COL14A1: variants seen among roughly 807,000 people sequenced by gnomAD.
COL14A1 encodes the protein collagen type XIV alpha 1 chain, also known as collagen alpha-1(XIV) chain.
In COL14A1, 136 loss-of-function variants were observed where a neutral mutation model predicts 230.3. The ratio of observed to expected loss-of-function variants is 0.59; its 90% confidence interval spans 0.51 to 0.68. The LOEUF (loss-of-function observed/expected upper bound fraction) is 0.68. COL14A1 is among the 30% of genes least tolerant of loss of function. The pLI is 0.00. For synonymous variants in COL14A1, 792 were observed against 784.1 expected (o/e 1.01, Z -0.17); for missense variants, 1,976 against 2,215.8 (o/e 0.89, Z 2.17).
chr8:120,306,388 A>C (rs1820859428), intron 36 of COL14A1, among the ~76,000 whole-genome samples: 1 of 152,204 alleles, frequency 6.6e-6, no homozygotes, highest in African/African-American at 2.4e-5. Context: ...AATGAGAAAA[A>C]AGCAATTGAA....
At chr8:120,331,067 T>C (rs1013062173) in intron 40 of COL14A1, among the ~76,000 whole-genome samples, 9 of 142,692 alleles carry the variant, frequency 6.3e-5, no homozygotes, top group Admixed American at 4.4e-4. Context: ...ATCGTGCCAT[T>C]GCACTCCAGC....
intron 34 of COL14A1, among the ~76,000 whole-genome samples, chr8:120,294,633 G>T (rs1215537711): frequency 6.6e-6 from 1 of 151,246 alleles, no homozygotes; most frequent in East Asian, 1.9e-4. Context: ...TGTATAATTT[G>T]CACAAATATG....
rs538743953 is a variant in COL14A1, at chr8:120,318,932, C to T, written c.4659+2935C>T. ...CACTCTGAGCACTGAAGTCACTTAA[C>T]GTTACTGTGCCTTTATTTCCCCTGT... On this transcript the variant is annotated intron_variant, in intron 40 of 47. Transcript: ENST00000297848. Among the ~76,000 whole-genome samples the T allele has an allele frequency of 5.3e-5, 8 of 152,248 alleles. No homozygotes were observed. In the South Asian group the frequency reaches 8.3e-4, roughly 16 times the overall value.
chr8:120,174,647 G>C (rs758529512), intron 5 of COL14A1, among the ~76,000 whole-genome samples: 1 of 152,082 alleles, frequency 6.6e-6, no homozygotes, highest in Non-Finnish European at 1.5e-5. Flanking sequence ...TATCTCAAAG[G>C]GTTTATTGTA....
chr8:120,341,353 G>A lies in COL14A1; in HGVS notation c.4814G>A (p.Gly1605Glu). The A allele has an allele frequency of 6.2e-7, 1 of 1,614,176 alleles. No homozygotes were observed. Among genetic ancestry groups the A allele is most frequent in the Non-Finnish European group, 8.5e-7 (1 of 1,180,012 alleles). The change falls in exon 43 of 48, where the codon GGA becomes GAA. Residue 1605 changes from glycine (G) to glutamate (E), a missense_variant. Gly to Glu is a moderately conservative substitution (Grantham distance 98, BLOSUM62 -2). Around this residue, in one of 3 missense-constraint regions of COL14A1, gnomAD observed 1,791 missense variants for 2,019.5 expected, o/e 0.89. Coordinates refer to ENST00000297848, the MANE Select transcript of COL14A1 (RefSeq NM_021110.4). Reference protein sequence around the residue: ...PGVPGAKGERGERGDLQSQAM... With the variant: ...PGVPGAKGEREERGDLQSQAM... Reference sequence around the variant, plus strand: ...GTCCCTGGAGCAAAGGGGGAACGAGGAGAGCGGGTAAGTATCCTGTGGCTC... The same window carrying A: ...GTCCCTGGAGCAAAGGGGGAACGAGAAGAGCGGGTAAGTATCCTGTGGCTC...
chr8:120,271,247 G>T (rs1027118728), intron 26 of COL14A1, among the ~76,000 whole-genome samples: 3 of 151,730 alleles, frequency 2.0e-5, no homozygotes, highest in Non-Finnish European at 4.4e-5. Flanking sequence ...GGAGGATAGT[G>T]AGGATCGAAA....
chr8:120,180,982 C>T (rs1816447327), intron 5 of COL14A1, among the ~76,000 whole-genome samples: 1 of 152,166 alleles, frequency 6.6e-6, no homozygotes, highest in Admixed American at 6.5e-5. Context: ...GCTGGGATTA[C>T]AGGCATGAGC....
intron 24 of COL14A1, among the ~76,000 whole-genome samples, chr8:120,266,474 G>A (rs1390399886): frequency 6.6e-6 from 1 of 152,082 alleles, no homozygotes; most frequent in Non-Finnish European, 1.5e-5. Flanking sequence ...GAATGGAAAT[G>A]AAGTTTATTG....
intron 40 of COL14A1, among the ~76,000 whole-genome samples, chr8:120,322,170 C>G (rs1366471892): frequency 5.0e-5 from 7 of 139,726 alleles, no homozygotes; most frequent in Non-Finnish European, 9.1e-5. Flanking sequence ...GGGAACTGAA[C>G]AATGAGATAA....
intron 1 of COL14A1, among the ~76,000 whole-genome samples, chr8:120,140,992 C>T (rs374355611): frequency 1.3e-5 from 2 of 152,154 alleles, no homozygotes; most frequent in African/African-American, 2.4e-5. Flanking sequence ...TCTAACATGA[C>T]GTTTTTAAAC....
chr8:120,318,224 C>T (rs180715851), intron 40 of COL14A1, among the ~76,000 whole-genome samples: 3 of 152,260 alleles, frequency 2.0e-5, no homozygotes, highest in Admixed American at 2.0e-4. Context: ...GTACTGTGCT[C>T]AGCCTGGAAA....
intron 8 of COL14A1, among the ~76,000 whole-genome samples, chr8:120,200,862 T>C (rs894237048): frequency 1.3e-5 from 2 of 150,684 alleles, no homozygotes; most frequent in Non-Finnish European, 3.0e-5. Flanking sequence ...GCAGAAGCTG[T>C]GGAAACTATG....
chr8:120,292,091 C>T (rs1040682182), intron 34 of COL14A1, among the ~76,000 whole-genome samples: 1 of 151,960 alleles, frequency 6.6e-6, no homozygotes, highest in African/African-American at 2.4e-5. Flanking sequence ...ATATATTGTA[C>T]CCTCTCCTAA....
intron 42 of COL14A1, among the ~76,000 whole-genome samples, chr8:120,334,126 C>T (rs1821969440): frequency 6.6e-6 from 1 of 152,140 alleles, no homozygotes; most frequent in Non-Finnish European, 1.5e-5. Flanking sequence ...AGAAAGTGGC[C>T]TCTCTTCGTC....
At chr8:120,268,228 G>T (rs1170801618) in intron 25 of COL14A1, among the ~76,000 whole-genome samples, 1 of 151,716 alleles carries the variant, frequency 6.6e-6, no homozygotes, top group Admixed American at 6.6e-5. Flanking sequence ...ATCTTTGAAA[G>T]CTATTCACTC....
chr8:120,216,069 A>G (rs971642384), intron 13 of COL14A1, among the ~76,000 whole-genome samples: 3 of 152,212 alleles, frequency 2.0e-5, no homozygotes, highest in African/African-American at 7.2e-5. Flanking sequence ...ACTTACATCA[A>G]GCTAGAGTGA....
chr8:120,251,887 T>C (rs1368804886), intron 22 of COL14A1, among the ~76,000 whole-genome samples: 1 of 152,112 alleles, frequency 6.6e-6, no homozygotes, highest in Non-Finnish European at 1.5e-5. Flanking sequence ...CAATGTATAA[T>C]ACCTTTTTCC....
chr8:120,238,669 G>T (rs557646116), intron 19 of COL14A1, among the ~76,000 whole-genome samples: 1 of 152,182 alleles, frequency 6.6e-6, no homozygotes, highest in Non-Finnish European at 1.5e-5. Flanking sequence ...ATAAACTCTT[G>T]CAGCTAGCTC....
chr8:120,368,711 A>G (rs371151843), intron 46 of COL14A1, among the ~76,000 whole-genome samples: 2 of 152,200 alleles, frequency 1.3e-5, no homozygotes, highest in East Asian at 1.9e-4. Context: ...AACTAGCTTA[A>G]AGAAATTTTG....
Sources: gnomAD v4.1 joint callset for allele counts (sites outside exome capture counted in the v4.1 genomes callset) on GRCh38, gnomAD v4.1.1 for gene constraint, gnomAD v4.1.1 regional missense constraint, MANE v1.5 for transcripts, NCBI Gene and HGNC (gene_info 2026-07-23, HGNC 2026-07-21) for gene names.